The following PIEZO2 variants were observed in gnomAD, a reference collection of about 807,000 sequenced individuals.
The protein encoded by PIEZO2 is piezo-type mechanosensitive ion channel component 2.
In PIEZO2, 172 loss-of-function variants were observed where a neutral mutation model predicts 337.3. The observed-to-expected ratio is 0.51, with a 90% CI of 0.45 to 0.58. The LOEUF (loss-of-function observed/expected upper bound fraction) is 0.58, where lower values mean the gene tolerates loss of function less well. PIEZO2 is among the 20% of genes least tolerant of loss of function. The pLI, the probability that PIEZO2 is intolerant of heterozygous loss-of-function variation, is 0.00. For synonymous variants in PIEZO2, 1,251 were observed against 1,228.5 expected, an observed-to-expected ratio of 1.02 and a Z score of -0.38; for missense variants, 3,028 against 3,391.3, an observed-to-expected ratio of 0.89 and a Z score of 2.66.
chr18:10,909,286 C>T (rs182524240), intron 4 of PIEZO2, among the ~76,000 whole-genome samples: 183 of 152,172 alleles, frequency 1.2e-3, no homozygotes, highest in Non-Finnish European at 1.9e-3. Flanking sequence ...GTAAGACAAC[C>T]GATCTGGTTT....
chr18:10,799,234 A>G (rs2039718608), intron 11 of PIEZO2, among the ~76,000 whole-genome samples: 1 of 152,200 alleles, frequency 6.6e-6, no homozygotes, highest in Non-Finnish European at 1.5e-5. Flanking sequence ...GACAAGGTCT[A>G]AGAACTCTGG....
chr18:10,829,103 G>C (rs2040765758), intron 7 of PIEZO2, among the ~76,000 whole-genome samples: 1 of 152,026 alleles, frequency 6.6e-6, no homozygotes, highest in South Asian at 2.1e-4. Context: ...TAATACTTCT[G>C]TGTGTAGAGA....
At chr18:10,729,683 G>A (rs1165910489) in intron 36 of PIEZO2, among the ~76,000 whole-genome samples, 2 of 151,040 alleles carry the variant, frequency 1.3e-5, no homozygotes, top group Admixed American at 1.3e-4. Context: ...CTTTAATCAT[G>A]CCACTTAATC....
intron 45 of PIEZO2, among the ~76,000 whole-genome samples, chr18:10,697,017 CGCG>C (rs2035123298): frequency 6.6e-6 from 1 of 152,156 alleles, no homozygotes; most frequent in Non-Finnish European, 1.5e-5. Flanking sequence ...TTGGTCCATG[CGCG>C]TTTGAATGTG....
In PIEZO2 at chr18:10,952,730, A is replaced by C. The variant is rs1041165080; in HGVS notation, c.286+26805T>G. 2.0e-5 allele frequency among the ~76,000 whole-genome samples: 3 copies of C among 152,222 alleles called. No individual in the cohort carries two copies. Among genetic ancestry groups the C allele is most frequent in the Non-Finnish European group, 2.9e-5 (2 of 68,036 alleles). ...AGTGGGATTCCTGGACTGAATAGTA[A>C]GTATATGGTCAAATTTATAATATGT... is the stretch of plus-strand genomic sequence containing the variant. On this transcript the variant is annotated intron_variant, in intron 3 of 55. Coordinates refer to ENST00000674853, the MANE Select transcript of PIEZO2 (RefSeq NM_001378183.1). The surrounding 1 kb of genome is among the most constrained non-coding windows in gnomAD (Gnocchi z 4.1).
At chr18:11,117,126 T>C in intron 1 of PIEZO2, among the ~76,000 whole-genome samples, 1 of 152,120 alleles carries the variant, frequency 6.6e-6, no homozygotes, top group Non-Finnish European at 1.5e-5. Context: ...AAATTGTGTA[T>C]TTCAAAGTAG....
intron 3 of PIEZO2, among the ~76,000 whole-genome samples, chr18:10,966,188 A>C (rs1445896377): frequency 6.6e-6 from 1 of 152,204 alleles, no homozygotes; most frequent in Non-Finnish European, 1.5e-5. Flanking sequence ...GTCCTTCACC[A>C]GCTCCTCAAG....
intron 4 of PIEZO2, among the ~76,000 whole-genome samples, chr18:10,892,722 A>G (rs1280352138): frequency 6.6e-6 from 1 of 152,198 alleles, no homozygotes; most frequent in East Asian, 1.9e-4. Context: ...ATGAAACAAT[A>G]AAGACCGCAA....
intron 4 of PIEZO2, among the ~76,000 whole-genome samples, chr18:10,887,879 G>A (rs1004225295): frequency 3.3e-5 from 5 of 152,258 alleles, no homozygotes; most frequent in African/African-American, 1.2e-4. Context: ...TCAACACACT[G>A]GGAGGCACAA....
At chr18:10,742,664 T>G (rs1445182045) in intron 31 of PIEZO2, 49 bp from the exon 32 acceptor site, 18 of 1,530,392 alleles carry the variant, frequency 1.2e-5, no homozygotes, top group Non-Finnish European at 1.5e-5. Flanking sequence ...TTCATTGTTC[T>G]CATGTGGTCA....
chr18:10,677,825 A>G lies in PIEZO2; in HGVS notation c.8003T>C (p.Phe2668Ser). The change falls in exon 53 of 56, where the codon TTT becomes TCT. Residue 2668 changes from phenylalanine to serine, a missense_variant. Phe to Ser is a radical substitution (Grantham distance 155). Transcript: ENST00000674853. This position sits in a 1 kb window ranked among gnomAD's most constrained non-coding sequence, Gnocchi z 4.1. ...CTTTCGAGTAATATTTTTAAGAGGA[A>G]AAGAAAGCTTATCTGTTGCTATTTC... Reference protein sequence around the residue: ...KSEIATDKLSFPLKNITRKNI... With the variant: ...KSEIATDKLSSPLKNITRKNI... The G allele has an allele frequency of 1.2e-6, 2 of 1,609,858 alleles. No individual in the cohort carries two copies. The highest frequency in any genetic ancestry group is 8.5e-7 in the Non-Finnish European group (1 of 1,179,068).
chr18:10,715,992 T>C (rs561851792), intron 37 of PIEZO2, among the ~76,000 whole-genome samples, 176 bp from the exon 38 acceptor site: 72 of 152,328 alleles, frequency 4.7e-4, no homozygotes, highest in Non-Finnish European at 8.2e-4. Context: ...CAGGAAGCTT[T>C]TGTGGGGCTT....
chr18:10,703,468 C>T (rs1297463295), intron 42 of PIEZO2, among the ~76,000 whole-genome samples: 2 of 152,166 alleles, frequency 1.3e-5, no homozygotes, highest in African/African-American at 2.4e-5. Context: ...TACTGTATAG[C>T]TTTGTTTTAA....
At chr18:10,966,257 C>G (rs769178194) in intron 3 of PIEZO2, among the ~76,000 whole-genome samples, 8 of 152,136 alleles carry the variant, frequency 5.3e-5, no homozygotes, top group Non-Finnish European at 1.0e-4. Context: ...ACTCCTAAGC[C>G]ATTCATTCTC....
rs1160373339 is a variant in PIEZO2, at chr18:10,782,409, TATATTATAATTATATATAAATAATTA to T, written c.2493-2069_2493-2044del. The stretch of plus-strand genomic sequence containing the variant: ...TAATTATATATAAATAATTATATAA[TATATTATAATTATATATAAATAATTA>T]TATAATATATTATATAGTATATATA... On this transcript the variant is annotated intron_variant, in intron 17 of 55. Coordinates refer to ENST00000674853, the MANE Select transcript of PIEZO2 (RefSeq NM_001378183.1). Among the ~76,000 whole-genome samples the T allele has an allele frequency of 4.8e-5, 3 of 62,430 alleles. 1 individual carries two copies. The Admixed American group carries it at 6.5e-4, about 14-fold the overall frequency. 41.0% of individuals were successfully genotyped at this position (62,430 alleles called of 152,430 possible). A position where few individuals can be genotyped will look rare whatever the true frequency, so the allele number is the denominator to read the frequency against.
intron 2 of PIEZO2, among the ~76,000 whole-genome samples, chr18:11,020,802 C>T (rs758318668): frequency 5.3e-5 from 8 of 152,152 alleles, no homozygotes; most frequent in Non-Finnish European, 1.2e-4. Flanking sequence ...AGAGAGCTTT[C>T]GGAATACTTG....
intron 27 of PIEZO2, among the ~76,000 whole-genome samples, chr18:10,756,491 T>C (rs929713815): frequency 1.5e-5 from 2 of 136,332 alleles, no homozygotes; most frequent in Admixed American, 7.4e-5. Flanking sequence ...GGATGCAGGA[T>C]GAGAAGGAGA....
At position 10,676,365 on chromosome 18, in the gene PIEZO2, G is replaced by A. The variant is rs2143437181; in HGVS notation, c.8082-1077C>T. Among the ~76,000 whole-genome samples, 1 of 152,252 alleles carries A rather than the reference G, an allele frequency of 6.6e-6. No individual in the cohort carries two copies. The highest frequency in any genetic ancestry group is 1.5e-5 in the Non-Finnish European group (1 of 68,006). On this transcript the variant is annotated intron_variant, in intron 53 of 55. Coordinates refer to ENST00000674853, the MANE Select transcript of PIEZO2 (RefSeq NM_001378183.1). This position sits in a 1 kb window ranked among gnomAD's most constrained non-coding sequence, Gnocchi z 5.1. The stretch of plus-strand genomic sequence containing the variant: ...GGACAAAACTGGGGCCATCACTGGT[G>A]GATGCCTGAACTATTTTGTTTAGCA...
intron 3 of PIEZO2, among the ~76,000 whole-genome samples, chr18:10,972,365 T>C (rs542097597): frequency 6.6e-6 from 1 of 152,182 alleles, no homozygotes; most frequent in African/African-American, 2.4e-5. Context: ...CTGCAGGTCA[T>C]GGGAGCAGAT....
Sources: gnomAD v4.1 joint callset for allele counts (sites outside exome capture counted in the v4.1 genomes callset) on GRCh38, gnomAD v4.1.1 for gene constraint, Gnocchi (gnomAD v3.1) non-coding constraint, MANE v1.5 for transcripts, NCBI Gene and HGNC (gene_info 2026-07-23, HGNC 2026-07-21) for gene names.